SLC10A2: variants seen among roughly 807,000 people sequenced by gnomAD.
SLC10A2 encodes the protein solute carrier family 10 member 2, also known as ileal sodium/bile acid cotransporter.
SLC10A2 carries 34 observed loss-of-function variants against 27.1 expected under a neutral mutation model. That is an observed-to-expected ratio of 1.26 (90% confidence interval 0.96 to 1.67). The LOEUF (loss-of-function observed/expected upper bound fraction) is 1.67. Among genes scored for constraint, SLC10A2 ranks in the 40% most tolerant of loss-of-function variants. The probability of loss-of-function intolerance (pLI) is 0.00; values close to 1 mark genes in which losing one functional copy is unlikely to be tolerated. For missense variants in SLC10A2, 530 were observed against 444.4 expected (o/e 1.19, Z -1.73); for synonymous variants, 205 against 174.0 (o/e 1.18, Z -1.40).
chr13:103,058,214 G>A (rs763422592), intron 2 of SLC10A2, 50 bp downstream of exon 2: 2 of 1,069,030 alleles, frequency 1.9e-6, no homozygotes, highest in Non-Finnish European at 2.9e-6. Flanking sequence ...CAGGGGGTAA[G>A]CAGAGAGTTT....
intron 1 of SLC10A2, among the ~76,000 whole-genome samples, chr13:103,060,786 A>G (rs1349473627): frequency 6.6e-6 from 1 of 152,138 alleles, no homozygotes; most frequent in African/African-American, 2.4e-5. Flanking sequence ...CCTTCTCTCA[A>G]CAGGTCGTCA....
chr13:103,046,056 C>T lies in SLC10A2; in HGVS notation c.*77G>A, dbSNP rs1875599726. On this transcript the variant is annotated 3_prime_UTR_variant, in exon 6 of 6. Coordinates refer to ENST00000245312, the MANE Select transcript of SLC10A2 (RefSeq NM_000452.3). ...CTTTAACTCTTTTCTGCCAACTGTC[C>T]TACCAAAACAAATAATTAAATATAG... is the stretch of plus-strand genomic sequence containing the variant. The T allele has an allele frequency of 1.3e-6, 2 of 1,552,442 alleles. No individual in the cohort carries two copies. Among genetic ancestry groups the T allele is most frequent in the Non-Finnish European group, 1.8e-6 (2 of 1,126,952 alleles).
At chr13:103,053,853 T>G (rs1875859428) in intron 2 of SLC10A2, among the ~76,000 whole-genome samples, 1 of 126,534 alleles carries the variant, frequency 7.9e-6, no homozygotes, top group African/African-American at 3.5e-5. Context: ...GTACTAAGAG[T>G]AGGAAAAAAA....
At chr13:103,056,844 T>G (rs1041781074) in intron 2 of SLC10A2, among the ~76,000 whole-genome samples, 1 of 151,320 alleles carries the variant, frequency 6.6e-6, no homozygotes, top group African/African-American at 2.4e-5. Flanking sequence ...GGAGGACAAT[T>G]TTTTTTTTGG....
chr13:103,057,276 T>C (rs936060861), intron 2 of SLC10A2, among the ~76,000 whole-genome samples: 1 of 152,224 alleles, frequency 6.6e-6, no homozygotes, highest in African/African-American at 2.4e-5. Flanking sequence ...TGCCTATTCC[T>C]GGTATACCAG....
intron 5 of SLC10A2, among the ~76,000 whole-genome samples, chr13:103,046,890 T>G (rs1332582319): frequency 6.6e-6 from 1 of 152,220 alleles, no homozygotes; most frequent in African/African-American, 2.4e-5. Flanking sequence ...AGTACATGTC[T>G]GCACATGTGT....
intron 1 of SLC10A2, among the ~76,000 whole-genome samples, chr13:103,060,167 C>T (rs1264408877): frequency 1.3e-5 from 2 of 152,136 alleles, no homozygotes; most frequent in Admixed American, 6.5e-5. Context: ...CTGTACACAG[C>T]GTACATTCTC....
At chr13:103,065,656 G>A (rs1266960086) in intron 1 of SLC10A2, among the ~76,000 whole-genome samples, 1 of 152,132 alleles carries the variant, frequency 6.6e-6, no homozygotes. Flanking sequence ...TGTTAACTGA[G>A]TTAGATTTAA....
intron 5 of SLC10A2, among the ~76,000 whole-genome samples, chr13:103,048,498 A>C (rs1875678118): frequency 6.6e-6 from 1 of 152,184 alleles, no homozygotes; most frequent in African/African-American, 2.4e-5. Context: ...TTTGTGACCT[A>C]ACATTTACAT....
chr13:103,065,854 G>A lies in SLC10A2; in HGVS notation c.377+19C>T. On this transcript the variant is annotated intron_variant, in intron 1 of 5. Transcript: ENST00000245312. ...TACTCCAAGGTGATTGCAGTAGTTA[G>A]AGGTATAGATAATCTTACCTCAGGT... The A allele has an allele frequency of 6.2e-7, 1 of 1,613,696 alleles. No individual in the cohort carries two copies. Among genetic ancestry groups the A allele is most frequent in the Non-Finnish European group, 8.5e-7 (1 of 1,179,912 alleles).
At chr13:103,064,501 C>T (rs183532033) in intron 1 of SLC10A2, among the ~76,000 whole-genome samples, 3 of 152,180 alleles carry the variant, frequency 2.0e-5, no homozygotes, top group Admixed American at 6.5e-5. Flanking sequence ...GTACAAAACT[C>T]CTCTGCACTA....
chr13:103,049,325 T>C lies in SLC10A2; in HGVS notation c.883A>G (p.Ile295Val), dbSNP rs1875701457. 1.2e-6 allele frequency: 2 copies of C among 1,613,818 alleles called. No individual in the cohort carries two copies. Among genetic ancestry groups the C allele is most frequent in the African/African-American group, 2.7e-5 (2 of 74,894 alleles). Residue 295 changes from isoleucine to valine, a missense_variant, in exon 5 of 6, where the codon ATT (isoleucine) becomes GTT (valine). By Grantham distance (29) the Ile-to-Val change is conservative. Transcript: ENST00000245312. Reference protein sequence around the residue: ...VVFTFPLIYSIFQLAFAAIFL... With the variant: ...VVFTFPLIYSVFQLAFAAIFL... Reference sequence around the variant, plus strand: ...ATTGCGGCAAAGGCGAGCTGGAAAATGCTGTAGATGAGCGGGAAGGTGAAT... The same window carrying C: ...ATTGCGGCAAAGGCGAGCTGGAAAACGCTGTAGATGAGCGGGAAGGTGAAT...
Position 103,046,154 on chromosome 13 carries a change from T to C in SLC10A2, c.1026A>G (p.Gly342=). The change falls in exon 6 of 6, where the codon GGA becomes GGG. Residue 342 remains glycine, a synonymous_variant. Transcript: ENST00000245312. The part of the protein sequence containing the change: ...PESSFYKANG[G]FQPDEK ...ATGTCTACTTTTCGTCAGGTTGAAATCCTCCATTTGCCTTATAAAACGATG... is the reference window on the plus strand; with the variant it reads ...ATGTCTACTTTTCGTCAGGTTGAAACCCTCCATTTGCCTTATAAAACGATG... The C allele has an allele frequency of 6.2e-7, 1 of 1,613,940 alleles. No individual in the cohort carries two copies. The highest frequency in any genetic ancestry group is 8.5e-7 in the Non-Finnish European group (1 of 1,179,848).
In SLC10A2 at chr13:103,044,619, A is replaced by G. The variant is rs930778575; in HGVS notation, c.*1514T>C. 6.6e-6 allele frequency: 1 copy of G among 152,214 alleles called. No individual in the cohort carries two copies. Among genetic ancestry groups the G allele is most frequent in the Admixed American group, 6.5e-5 (1 of 15,278 alleles). 9.4% of individuals were successfully genotyped at this position (152,214 alleles called of 1,614,324 possible). ...CAGAATCCCTCACCCCTCTACTGGA[A>G]GAGCTAAGTTGAGTTCCTGTTCCCA... On this transcript the variant is annotated 3_prime_UTR_variant, in exon 6 of 6. Transcript: ENST00000245312.
chr13:103,059,015 T>C (rs956832227), intron 1 of SLC10A2, among the ~76,000 whole-genome samples: 2 of 152,196 alleles, frequency 1.3e-5, no homozygotes, highest in Non-Finnish European at 2.9e-5. Context: ...TGTTTTTAGG[T>C]CTTTGAGGAA....
intron 5 of SLC10A2, 43 bp downstream of exon 5, chr13:103,049,246 T>A (rs1376740045): frequency 1.2e-6 from 2 of 1,609,806 alleles, no homozygotes; most frequent in Middle Eastern, 1.7e-4. Context: ...ACTCCAGGAT[T>A]TTTCAAAGAT....
chr13:103,065,547 A>C (rs779113730), intron 1 of SLC10A2, among the ~76,000 whole-genome samples: 13 of 152,142 alleles, frequency 8.5e-5, no homozygotes, highest in Non-Finnish European at 1.2e-4. Flanking sequence ...TACCAACAGG[A>C]TAAACCTCCT....
chr13:103,065,777 A>C lies in SLC10A2; in HGVS notation c.377+96T>G, dbSNP rs1056542895. On this transcript the variant is annotated intron_variant, in intron 1 of 5. Coordinates refer to ENST00000245312, the MANE Select transcript of SLC10A2 (RefSeq NM_000452.3). ...GTTTGATTCCTTAGTCATACTTTAG[A>C]TGCGTGGCAAATCAGTTGGACATTC... The C allele has an allele frequency of 2.2e-6, 3 of 1,381,416 alleles. No individual in the cohort carries two copies. In the African/African-American group the frequency reaches 4.2e-5, roughly 20 times the overall value. 85.6% of individuals were successfully genotyped at this position (1,381,416 alleles called of 1,614,324 possible).
chr13:103,065,244 G>T (rs548815686), intron 1 of SLC10A2, among the ~76,000 whole-genome samples: 16 of 152,146 alleles, frequency 1.1e-4, no homozygotes, highest in Non-Finnish European at 2.1e-4. Context: ...TTACTCTGTA[G>T]GAAGTGGAGA....
Sources: allele counts gnomAD v4.1 joint callset (sites outside exome capture counted in the v4.1 genomes callset), GRCh38; gene constraint gnomAD v4.1.1; transcripts MANE v1.5; gene names NCBI Gene and HGNC (gene_info 2026-07-23, HGNC 2026-07-21).